SUFU: variants seen among roughly 807,000 people sequenced by gnomAD.
SUFU encodes suppressor of fused homolog.
In SUFU, 7 loss-of-function variants were observed where a neutral mutation model predicts 58.9. The ratio of observed to expected loss-of-function variants is 0.12; its 90% CI spans 0.07 to 0.22. The LOEUF (loss-of-function observed/expected upper bound fraction) is 0.22, where lower values mean the gene tolerates loss of function less well. Ranked by LOEUF, SUFU falls within the 10% of genes least tolerant of loss-of-function variation. The pLI is 1.00. For synonymous variants in SUFU, 232 were observed against 254.8 expected (o/e 0.91, Z 0.85); for missense variants, 451 against 641.3 (o/e 0.70, Z 3.20).
intron 8 of SUFU, among the ~76,000 whole-genome samples, chr10:102,607,860 G>A (rs1397828178): frequency 3.3e-5 from 5 of 150,994 alleles, no homozygotes; most frequent in African/African-American, 9.7e-5. Context: ...GCAGTGAGCC[G>A]AGATCTTGCC....
At chr10:102,615,705 G>A (rs2063679363) in intron 9 of SUFU, among the ~76,000 whole-genome samples, 1 of 152,178 alleles carries the variant, frequency 6.6e-6, no homozygotes, top group Non-Finnish European at 1.5e-5. Context: ...GCCATGCGGT[G>A]TTCTCCTTGC....
intron 10 of SUFU, among the ~76,000 whole-genome samples, chr10:102,622,935 G>A (rs901897462): frequency 1.4e-5 from 2 of 145,698 alleles, no homozygotes; most frequent in African/African-American, 2.5e-5. Context: ...AGGTTGCGGT[G>A]AGTTGAGATC....
At position 102,619,279 on chromosome 10, in the gene SUFU, C is replaced by T; in HGVS notation, c.1296+1851C>T. ...GACCCCCTAGCTGCCGGGGTTCCCACTCCCAGTGCCACAACCCCCTCACCT... is the reference window on the plus strand; with the variant it reads ...GACCCCCTAGCTGCCGGGGTTCCCATTCCCAGTGCCACAACCCCCTCACCT... On this transcript the variant is annotated intron_variant, in intron 10 of 11. Coordinates refer to ENST00000369902, the MANE Select transcript of SUFU (RefSeq NM_016169.4). The surrounding 1 kb of genome is among the most constrained non-coding windows in gnomAD (Gnocchi z 4.2). The T allele has an allele frequency of 1.4e-6, 2 of 1,455,210 alleles. No homozygotes were observed. The highest frequency in any genetic ancestry group is 9.0e-7 in the Non-Finnish European group (1 of 1,106,084). The allele number at this position is 1,455,210 out of a possible 1,614,324, so 90.1% of individuals were successfully genotyped here.
At chr10:102,563,476 A>G (rs973067434) in intron 3 of SUFU, among the ~76,000 whole-genome samples, 5 of 152,126 alleles carry the variant, frequency 3.3e-5, no homozygotes, top group Non-Finnish European at 7.4e-5. Context: ...ATTTGCCTCA[A>G]TAGAGTCTTG....
chr10:102,535,123 A>G (rs2062720822), intron 2 of SUFU, among the ~76,000 whole-genome samples: 1 of 152,182 alleles, frequency 6.6e-6, no homozygotes, highest in South Asian at 2.1e-4. Context: ...ACCCCAGGAT[A>G]AAGGATGGGT....
intron 7 of SUFU, among the ~76,000 whole-genome samples, chr10:102,598,924 A>C (rs1312619673): frequency 1.3e-5 from 2 of 152,080 alleles, no homozygotes; most frequent in East Asian, 3.9e-4. Flanking sequence ...GGGATAGACC[A>C]AGGTGGAGAG....
chr10:102,630,537 G>A lies in SUFU; in HGVS notation c.*382G>A. On this transcript the variant is annotated 3_prime_UTR_variant, in exon 12 of 12. Coordinates refer to ENST00000369902, the MANE Select transcript of SUFU (RefSeq NM_016169.4). ...CGCACAGCCCAGCAGGAGGGAGGCGGACAGCCAGATGCAGAGCGAGTGGAT... is the reference window on the plus strand; with the variant it reads ...CGCACAGCCCAGCAGGAGGGAGGCGAACAGCCAGATGCAGAGCGAGTGGAT... The A allele has an allele frequency of 2.4e-6, 1 of 413,450 alleles. No individual in the cohort carries two copies. The highest frequency in any genetic ancestry group is 4.6e-6 in the Non-Finnish European group (1 of 219,422). 25.6% of individuals were successfully genotyped at this position (413,450 alleles called of 1,614,324 possible). A position where few individuals can be genotyped will look rare whatever the true frequency, so the allele number is the denominator to read the frequency against.
intron 2 of SUFU, among the ~76,000 whole-genome samples, chr10:102,521,124 A>G (rs894929247): frequency 3.9e-5 from 6 of 152,250 alleles, no homozygotes; most frequent in African/African-American, 1.2e-4. Flanking sequence ...TCATGTCCTC[A>G]CCAGCATTTG....
chr10:102,538,793 A>AG (rs2062769302), intron 2 of SUFU, among the ~76,000 whole-genome samples: 1 of 152,196 alleles, frequency 6.6e-6, no homozygotes, highest in African/African-American at 2.4e-5. Context: ...AGATAAGAAG[A>AG]GAAGTAAACT....
chr10:102,526,828 T>TATA (rs1193565010), intron 2 of SUFU, among the ~76,000 whole-genome samples: 1 of 151,820 alleles, frequency 6.6e-6, no homozygotes, highest in Non-Finnish European at 1.5e-5. Flanking sequence ...AAACAGCTAG[T>TATA]ATAAAGGCCC....
chr10:102,504,963 C>A (rs1167965256), intron 1 of SUFU, among the ~76,000 whole-genome samples: 2 of 152,124 alleles, frequency 1.3e-5, no homozygotes, highest in African/African-American at 4.8e-5. Flanking sequence ...AGCAGCTCTT[C>A]CTGATAAACT....
intron 2 of SUFU, among the ~76,000 whole-genome samples, chr10:102,517,225 T>C (rs1467782186): frequency 6.6e-6 from 1 of 151,576 alleles, no homozygotes; most frequent in Non-Finnish European, 1.5e-5. Context: ...GGGCCAGAGA[T>C]TACACTGAGC....
intron 2 of SUFU, among the ~76,000 whole-genome samples, chr10:102,530,119 C>G (rs888939124): frequency 6.6e-6 from 1 of 152,126 alleles, no homozygotes; most frequent in Admixed American, 6.6e-5. Flanking sequence ...ACTTGCCCAC[C>G]AGTCAGCTAG....
Position 102,625,834 on chromosome 10 carries a change from G to A in SUFU, c.1297-1341G>A, listed in dbSNP as rs774473098. On this transcript the variant is annotated intron_variant, in intron 10 of 11. Transcript: ENST00000369902. The surrounding 1 kb of genome is among the most constrained non-coding windows in gnomAD (Gnocchi z 4.7). Reference sequence around the variant, plus strand: ...AGAGACCTCCGTCCTGTGAGCTCCCGAGCCGTCCTGTGTGCTCACCTTCCT... The same window carrying A: ...AGAGACCTCCGTCCTGTGAGCTCCCAAGCCGTCCTGTGTGCTCACCTTCCT... Among the ~76,000 whole-genome samples, 2 of 152,138 alleles carry A rather than the reference G, an allele frequency of 1.3e-5. No individual in the cohort carries two copies. Among genetic ancestry groups the A allele is most frequent in the Non-Finnish European group, 2.9e-5 (2 of 68,008 alleles).
At position 102,631,094 on chromosome 10, in the gene SUFU, C is replaced by T. The variant is rs769628309; in HGVS notation, c.*939C>T. On this transcript the variant is annotated 3_prime_UTR_variant, in exon 12 of 12. Coordinates refer to ENST00000369902, the MANE Select transcript of SUFU (RefSeq NM_016169.4). ...AGGGTGAGGTTCAGCACATCACACACCATCCCCACTGTCATTCAGGGCCTG... is the reference window on the plus strand; with the variant it reads ...AGGGTGAGGTTCAGCACATCACACATCATCCCCACTGTCATTCAGGGCCTG... The T allele has an allele frequency of 1.7e-5, 4 of 233,378 alleles. No individual in the cohort carries two copies. The highest frequency in any genetic ancestry group is 3.6e-4 in the South Asian group (2 of 5,542). 14.5% of individuals were successfully genotyped at this position (233,378 alleles called of 1,614,324 possible).
chr10:102,613,512 C>T (rs2063647963), intron 8 of SUFU, among the ~76,000 whole-genome samples: 1 of 152,232 alleles, frequency 6.6e-6, no homozygotes, highest in Non-Finnish European at 1.5e-5. Context: ...GGGGTGCCAC[C>T]CTGGCTGCAG....
At chr10:102,558,493 G>A (rs1356848693) in intron 3 of SUFU, among the ~76,000 whole-genome samples, 3 of 152,162 alleles carry the variant, frequency 2.0e-5, no homozygotes, top group Admixed American at 6.5e-5. Flanking sequence ...CTACACATGC[G>A]AGCCACTGCG....
At chr10:102,615,543 G>C (rs777871008) in intron 9 of SUFU, 141 bp downstream of exon 9, 1 of 1,229,586 alleles carries the variant, frequency 8.1e-7, no homozygotes, top group Non-Finnish European at 1.2e-6. Flanking sequence ...CGTGCTTCCC[G>C]TCTCCCTGTC....
At chr10:102,608,781 A>G (rs1188000102) in intron 8 of SUFU, among the ~76,000 whole-genome samples, 3 of 152,208 alleles carry the variant, frequency 2.0e-5, no homozygotes, top group Non-Finnish European at 2.9e-5. Flanking sequence ...GCTGGCTTAC[A>G]CAAAATGAAA....
Sources: gnomAD v4.1 joint callset for allele counts (sites outside exome capture counted in the v4.1 genomes callset) on GRCh38, gnomAD v4.1.1 for gene constraint, Gnocchi (gnomAD v3.1) non-coding constraint, MANE v1.5 for transcripts, NCBI Gene and HGNC (gene_info 2026-07-23, HGNC 2026-07-21) for gene names.